Variants in ADAM12 observed in about 807,000 individuals in gnomAD.
ADAM12 encodes the protein disintegrin and metalloproteinase domain-containing protein 12.
A neutral mutation model predicts 106.4 loss-of-function variants in ADAM12; 70 were observed. The ratio of observed to expected loss-of-function variants is 0.66; its 90% CI spans 0.54 to 0.80. ADAM12 has a LOEUF of 0.80. Among genes scored for constraint, ADAM12 ranks in the 30% least tolerant of loss-of-function variants. ADAM12 has a pLI of 0.00. For synonymous variants in ADAM12, 420 were observed against 433.5 expected (o/e 0.97, Z 0.39); for missense variants, 1,010 against 1,171.9 (o/e 0.86, Z 2.02).
intron 1 of ADAM12, among the ~76,000 whole-genome samples, chr10:126,364,870 A>T (rs1855857992): frequency 6.6e-6 from 1 of 152,260 alleles, no homozygotes; most frequent in East Asian, 1.9e-4. Context: ...TTTAGTGTAC[A>T]TGAATTTCCA....
chr10:126,171,630 T>C (rs531081187), intron 3 of ADAM12, among the ~76,000 whole-genome samples: 8 of 152,274 alleles, frequency 5.3e-5, no homozygotes, highest in African/African-American at 1.2e-4. Flanking sequence ...CAAAACCAGA[T>C]ACCTACTCAA....
chr10:126,081,456 T>G (rs540572400), intron 11 of ADAM12, among the ~76,000 whole-genome samples: 1 of 152,330 alleles, frequency 6.6e-6, no homozygotes, highest in African/African-American at 2.4e-5. Context: ...AAGGGCTAAC[T>G]GGTTTTGGAA....
At position 126,017,328 on chromosome 10, in the gene ADAM12, T is replaced by C; in HGVS notation, c.2672A>G (p.Gln891Arg). 6.3e-7 allele frequency: 1 copy of C among 1,587,234 alleles called. No individual in the cohort carries two copies. Among genetic ancestry groups the C allele is most frequent in the Non-Finnish European group, 8.6e-7 (1 of 1,165,616 alleles). The change falls in exon 23 of 23, where the codon CAA becomes CGA. Residue 891 changes from glutamine to arginine, a missense_variant. Coordinates refer to ENST00000448723, the MANE Select transcript of ADAM12 (RefSeq NM_001288973.2). ...LRLAPLRPAP[Q>R]YPHQVPRSTH... ...GGATCTGGGCACTTGGTGTGGATATTGTGGAGCAGGTCTGAATGAAGAGAG... is the reference window on the plus strand; with the variant it reads ...GGATCTGGGCACTTGGTGTGGATATCGTGGAGCAGGTCTGAATGAAGAGAG...
intron 11 of ADAM12, among the ~76,000 whole-genome samples, chr10:126,091,944 G>A (rs1279321128): frequency 6.6e-6 from 1 of 152,104 alleles, no homozygotes; most frequent in African/African-American, 2.4e-5. Flanking sequence ...TGGATGGGTG[G>A]ATGGATAGAT....
intron 2 of ADAM12, among the ~76,000 whole-genome samples, chr10:126,326,345 T>C (rs559275146): frequency 1.3e-5 from 2 of 152,194 alleles, no homozygotes; most frequent in South Asian, 2.1e-4. Flanking sequence ...CCAGTATACA[T>C]AGTAAGTCAA....
intron 3 of ADAM12, among the ~76,000 whole-genome samples, chr10:126,236,369 T>C (rs1474710291): frequency 6.6e-6 from 1 of 151,916 alleles, no homozygotes; most frequent in Non-Finnish European, 1.5e-5. Flanking sequence ...CCGGGATAAG[T>C]GGGGAGCAGG....
chr10:126,381,727 C>T (rs1436872048), intron 1 of ADAM12, among the ~76,000 whole-genome samples: 1 of 151,914 alleles, frequency 6.6e-6, no homozygotes, highest in Non-Finnish European at 1.5e-5. Flanking sequence ...GACTCAAACT[C>T]CTGACCTCAA....
At chr10:126,200,732 T>C (rs1012437914) in intron 3 of ADAM12, among the ~76,000 whole-genome samples, 2 of 152,110 alleles carry the variant, frequency 1.3e-5, no homozygotes, top group African/African-American at 4.8e-5. Context: ...CTCTAAATGG[T>C]TCAGAATGTT....
intron 1 of ADAM12, among the ~76,000 whole-genome samples, chr10:126,381,851 T>C (rs1241998842): frequency 6.6e-6 from 1 of 151,834 alleles, no homozygotes; most frequent in African/African-American, 2.4e-5. Context: ...AGTGTGTGCC[T>C]GGAGTCCCAG....
intron 3 of ADAM12, among the ~76,000 whole-genome samples, chr10:126,190,937 G>A (rs965221368): frequency 3.4e-5 from 5 of 149,148 alleles, no homozygotes; most frequent in African/African-American, 1.2e-4. Flanking sequence ...ATGCCAGGGT[G>A]AAGAGTCTGG....
intron 3 of ADAM12, among the ~76,000 whole-genome samples, chr10:126,218,743 C>T (rs1590634959): frequency 1.3e-5 from 2 of 152,280 alleles, no homozygotes; most frequent in South Asian, 4.1e-4. Flanking sequence ...AAAAGTGAAC[C>T]CCAGAAACAA....
At chr10:126,331,970 T>C (rs959248588) in intron 1 of ADAM12, among the ~76,000 whole-genome samples, 19 of 152,168 alleles carry the variant, frequency 1.2e-4, no homozygotes, top group African/African-American at 3.4e-4. Flanking sequence ...ACTGGCAGCA[T>C]GGAGATCTTG....
chr10:126,366,849 T>C (rs1346262529), intron 1 of ADAM12, among the ~76,000 whole-genome samples: 2 of 152,116 alleles, frequency 1.3e-5, no homozygotes, highest in East Asian at 1.9e-4. Flanking sequence ...AATTTCATCA[T>C]GATAAACAGG....
chr10:126,062,342 T>C lies in ADAM12; in HGVS notation c.1609+2464A>G, dbSNP rs548771227. 1.4e-3 allele frequency among the ~76,000 whole-genome samples: 207 copies of C among 152,164 alleles called. 2 individuals are homozygous for C. In the South Asian group the frequency reaches 0.042, roughly 31 times the overall value. The stretch of plus-strand genomic sequence containing the variant: ...TCCTGGTTACCAGGGAGAGAGTGGG[T>C]GGGAGAGAGTAGAGCTAAGCCAGGA... On this transcript the variant is annotated intron_variant, in intron 14 of 22. Transcript: ENST00000448723.
At chr10:126,123,921 A>C (rs1956156586) in intron 5 of ADAM12, among the ~76,000 whole-genome samples, 1 of 152,244 alleles carries the variant, frequency 6.6e-6, no homozygotes, top group African/African-American at 2.4e-5. Context: ...GACAGGAAAC[A>C]AAGAGGAATC....
At chr10:126,129,986 T>G (rs1186529612) in intron 5 of ADAM12, among the ~76,000 whole-genome samples, 1 of 152,346 alleles carries the variant, frequency 6.6e-6, no homozygotes, top group Non-Finnish European at 1.5e-5. Context: ...TTTGTGATCC[T>G]GTGTTTTTGA....
intron 21 of ADAM12, among the ~76,000 whole-genome samples, chr10:126,029,503 C>T (rs1310659566): frequency 6.6e-6 from 1 of 152,108 alleles, no homozygotes; most frequent in African/African-American, 2.4e-5. Context: ...AAACCAAATA[C>T]CCCATGTTTT....
chr10:126,059,774 G>A (rs1954713112), intron 14 of ADAM12, among the ~76,000 whole-genome samples: 3 of 152,250 alleles, frequency 2.0e-5, no homozygotes, highest in Admixed American at 1.3e-4. Flanking sequence ...GACTATAGAT[G>A]TGTAGTTATC....
intron 11 of ADAM12, among the ~76,000 whole-genome samples, chr10:126,081,085 C>A (rs1455812859): frequency 7.8e-6 from 1 of 127,868 alleles, no homozygotes; most frequent in African/African-American, 3.3e-5. Flanking sequence ...CAGCTATAAT[C>A]AGGCTGGATT....
Sources: allele counts gnomAD v4.1 joint callset (sites outside exome capture counted in the v4.1 genomes callset), GRCh38; gene constraint gnomAD v4.1.1; transcripts MANE v1.5; gene names NCBI Gene and HGNC (gene_info 2026-07-23, HGNC 2026-07-21).